Variants in TMEM68 observed in about 807,000 individuals in gnomAD.
TMEM68 encodes DGAT1/2-independent enzyme synthesizing storage lipids.
TMEM68 carries 25 observed loss-of-function variants against 36.9 expected under a neutral mutation model. The observed-to-expected ratio is 0.68, with a 90% CI of 0.49 to 0.95. TMEM68 has a LOEUF of 0.95. Among genes scored for constraint, TMEM68 ranks in the 40% least tolerant of loss-of-function variants. TMEM68 has a pLI of 0.00. For missense variants in TMEM68, 333 were observed against 392.0 expected, an observed-to-expected ratio of 0.85 and a Z score of 1.27; for synonymous variants, 131 against 124.4, an observed-to-expected ratio of 1.05 and a Z score of -0.35.
At chr8:55,753,737 T>C (rs1305346400) in intron 4 of TMEM68, among the ~76,000 whole-genome samples, 1 of 152,250 alleles carries the variant, frequency 6.6e-6, no homozygotes, top group Non-Finnish European at 1.5e-5. Flanking sequence ...TCAATGAGTT[T>C]ACTCAAGAAT....
chr8:55,745,265 T>C (rs1386567122), intron 5 of TMEM68, 144 bp from the exon 6 acceptor site: 8 of 434,420 alleles, frequency 1.8e-5, no homozygotes, highest in Non-Finnish European at 3.2e-5. Context: ...CCCAATCTCG[T>C]CTGATCCCAG....
At chr8:55,760,944 A>T (rs10448023) in intron 3 of TMEM68, 128,591 of 152,180 alleles carry the variant, frequency 0.84, 54,669 homozygotes, top group East Asian at 0.99. Context: ...TTTCTGAGCA[A>T]TAAAGAAACT....
At chr8:55,754,908 ATATAT>A (rs1810552961) in intron 4 of TMEM68, among the ~76,000 whole-genome samples, 4 of 112,202 alleles carry the variant, frequency 3.6e-5, no homozygotes, top group South Asian at 2.4e-4. Flanking sequence ...TACATATATT[ATATAT>A]TATATATTTA....
chr8:55,756,317 G>C lies in TMEM68; in HGVS notation c.420C>G (p.Phe140Leu). The change falls in exon 4 of 8, where the codon TTC becomes TTG. Residue 140 changes from phenylalanine to leucine, a missense_variant. Phe to Leu is a conservative substitution (Grantham distance 22, BLOSUM62 0). Coordinates refer to ENST00000434581, the MANE Select transcript of TMEM68 (RefSeq NM_001286657.2). The stretch of plus-strand genomic sequence containing the variant: ...CTTTGTGTATAAATATTTTAGCCAT[G>C]AAATAGTAAAAATCTATAGGAATAG... The part of the protein sequence containing the change: ...HGAIPIDFYY[F>L]MAKIFIHKGR... 1 of 1,605,822 alleles carries C rather than the reference G, an allele frequency of 6.2e-7. No homozygotes were observed. Among genetic ancestry groups the C allele is most frequent in the East Asian group, 2.2e-5 (1 of 44,568 alleles).
chr8:55,762,544 G>T (rs768165835), intron 3 of TMEM68, 91 bp downstream of exon 3: 2 of 1,580,992 alleles, frequency 1.3e-6, no homozygotes, highest in Admixed American at 1.9e-5. Flanking sequence ...ATATTTTTCA[G>T]TATCTTCTCA....
At position 55,751,064 on chromosome 8, in the gene TMEM68, G is replaced by A; in HGVS notation, c.587C>T (p.Ser196Leu). 1 of 1,614,092 alleles carries A rather than the reference G, an allele frequency of 6.2e-7. No individual in the cohort carries two copies. The highest frequency in any genetic ancestry group is 1.1e-5 in the South Asian group (1 of 91,086). ...ILRSGHLLAI[S>L]PGGVREALIS... ...TAGGGCTTCTCGAACTCCACCTGGTGAGATAGCTAACAAGTGGCCACTCCT... is the reference window on the plus strand; with the variant it reads ...TAGGGCTTCTCGAACTCCACCTGGTAAGATAGCTAACAAGTGGCCACTCCT... The change falls in exon 5 of 8, where the codon TCA becomes TTA. Residue 196 changes from serine (S) to leucine (L), a missense_variant. Ser to Leu is a moderately radical substitution (Grantham distance 145). Transcript: ENST00000434581.
Position 55,739,544 on chromosome 8 carries a change from C to G in TMEM68, c.*588G>C, listed in dbSNP as rs1459232355. 1 of 152,522 alleles carries G rather than the reference C, an allele frequency of 6.6e-6. No homozygotes were observed. Among genetic ancestry groups the G allele is most frequent in the Non-Finnish European group, 1.5e-5 (1 of 68,032 alleles). The allele number at this position is 152,522 out of a possible 1,614,324, so 9.4% of individuals were successfully genotyped here. A position where few individuals can be genotyped will look rare whatever the true frequency, so the allele number is the denominator to read the frequency against. ...ATACATAACTGCTAAAGGATTTTGA[C>G]ATTGTTTAAATTAATTATTTTATTA... On this transcript the variant is annotated 3_prime_UTR_variant, in exon 8 of 8. Transcript: ENST00000434581.
intron 7 of TMEM68, among the ~76,000 whole-genome samples, chr8:55,742,513 A>G (rs1240540608): frequency 6.6e-6 from 1 of 152,196 alleles, no homozygotes; most frequent in Non-Finnish European, 1.5e-5. Context: ...CAAAGACTAT[A>G]TAAAAGTCAT....
intron 1 of TMEM68, among the ~76,000 whole-genome samples, chr8:55,765,574 A>G (rs918855395): frequency 6.6e-6 from 1 of 152,240 alleles, no homozygotes; most frequent in African/African-American, 2.4e-5. Flanking sequence ...TATCATTCAT[A>G]GAATCACAGC....
chr8:55,762,380 A>G, intron 3 of TMEM68: 1 of 460,400 alleles, frequency 2.2e-6, no homozygotes, highest in Admixed American at 4.0e-5. Context: ...TTTTAAATAT[A>G]AATTTTCTTA....
intron 3 of TMEM68, among the ~76,000 whole-genome samples, chr8:55,759,757 CT>C (rs566844554): frequency 6.6e-6 from 1 of 152,052 alleles, no homozygotes; most frequent in Non-Finnish European, 1.5e-5. Context: ...TTAAACAATT[CT>C]TTAGAAATTT....
chr8:55,763,147 G>T, intron 2 of TMEM68, 119 bp from the exon 3 acceptor site: 1 of 497,860 alleles, frequency 2.0e-6, no homozygotes, highest in East Asian at 3.4e-5. Context: ...GATGGTTAAT[G>T]GTTAACTTTG....
In TMEM68 at chr8:55,763,028, A is replaced by G. The variant is rs1000691141; in HGVS notation, c.-69T>C. On this transcript the variant is annotated splice_region_variant and 5_prime_UTR_variant, in exon 3 of 8. Transcript: ENST00000434581. ...GCCATAGCAGGTCGCTAATTTTGAC[A>G]CTAGAAGGGAAAAATAATCCAGTAT... is the stretch of plus-strand genomic sequence containing the variant. 2.7e-6 allele frequency: 4 copies of G among 1,467,040 alleles called. No individual in the cohort carries two copies. The highest frequency in any genetic ancestry group is 3.6e-6 in the Non-Finnish European group (4 of 1,099,740). The allele number at this position is 1,467,040 out of a possible 1,614,324, so 90.9% of individuals were successfully genotyped here. A position where few individuals can be genotyped will look rare whatever the true frequency, so the allele number is the denominator to read the frequency against.
intron 7 of TMEM68, among the ~76,000 whole-genome samples, chr8:55,741,723 G>A (rs1258528125): frequency 2.0e-5 from 3 of 152,138 alleles, no homozygotes; most frequent in African/African-American, 7.2e-5. Flanking sequence ...AAGAGTCCAG[G>A]AAAACCACTG....
chr8:55,741,426 G>A (rs1255543166), intron 7 of TMEM68, among the ~76,000 whole-genome samples: 9 of 152,118 alleles, frequency 5.9e-5, no homozygotes, highest in African/African-American at 1.7e-4. Flanking sequence ...TTATTCATTC[G>A]AAAAATATTA....
At chr8:55,743,668 C>A (rs1166629759) in intron 6 of TMEM68, 48 bp from the exon 7 acceptor site, 2 of 1,479,218 alleles carry the variant, frequency 1.4e-6, no homozygotes, top group Non-Finnish European at 1.8e-6. Flanking sequence ...GTATTCTGAC[C>A]ATGTAACTGT....
chr8:55,773,154 C>G (rs1369413408), intron 1 of TMEM68, 115 bp downstream of exon 1: 1 of 152,404 alleles, frequency 6.6e-6, no homozygotes, highest in African/African-American at 2.4e-5. Context: ...GGAGACCGGA[C>G]GCGCGCGGCC....
At chr8:55,747,400 A>C (rs1810315043) in intron 5 of TMEM68, 1 of 152,222 alleles carries the variant, frequency 6.6e-6, no homozygotes, top group Admixed American at 6.5e-5. Context: ...CAAATGAAGA[A>C]ATTAAAATTT....
chr8:55,740,075 T>C lies in TMEM68; in HGVS notation c.*57A>G. ...CTACAAAATTCAGAAGACAGTACCT[T>C]AGATACAAACATTTAATATAAATGT... On this transcript the variant is annotated 3_prime_UTR_variant, in exon 8 of 8. Transcript: ENST00000434581. 4 of 1,406,018 alleles carry C rather than the reference T, an allele frequency of 2.8e-6. No homozygotes were observed. Among genetic ancestry groups the C allele is most frequent in the Middle Eastern group, 1.8e-4 (1 of 5,434 alleles). 87.1% of individuals were successfully genotyped at this position (1,406,018 alleles called of 1,614,324 possible).
Sources: gnomAD v4.1 joint callset for allele counts (sites outside exome capture counted in the v4.1 genomes callset) on GRCh38, gnomAD v4.1.1 for gene constraint, MANE v1.5 for transcripts, NCBI Gene and HGNC (gene_info 2026-07-23, HGNC 2026-07-21) for gene names.